Variants in HEMK2 observed in about 807,000 individuals in gnomAD.
HEMK2 encodes the protein methyltransferase HEMK2.
chr21:28,741,243 C>T, the HEMK2 span, among the ~76,000 whole-genome samples: 1 of 152,144 alleles, frequency 6.6e-6, no homozygotes, highest in South Asian at 2.1e-4. Flanking sequence ...TCCTAACCCA[C>T]TCAACCCAAC....
the HEMK2 span, among the ~76,000 whole-genome samples, chr21:28,771,523 C>CCCCCACCT: frequency 1.8e-3 from 192 of 106,246 alleles, 4 homozygotes; most frequent in African/African-American, 6.7e-3. Context: ...GCACCACCCC[C>CCCCCACCT]CCCCGCCAAA....
chr21:28,688,356 C>G, the HEMK2 span, among the ~76,000 whole-genome samples: 1 of 152,132 alleles, frequency 6.6e-6, no homozygotes, highest in Non-Finnish European at 1.5e-5. Flanking sequence ...AGTAATTGAA[C>G]AATTTATAGG....
At chr21:28,738,444 G>A in the HEMK2 span, among the ~76,000 whole-genome samples, 2 of 152,188 alleles carry the variant, frequency 1.3e-5, no homozygotes, top group East Asian at 3.8e-4. Context: ...CAAGATAAAG[G>A]GCAAGGAAGG....
chr21:28,682,213 C>A, the HEMK2 span, among the ~76,000 whole-genome samples: 4 of 151,838 alleles, frequency 2.6e-5, no homozygotes, highest in East Asian at 1.9e-4. Flanking sequence ...AAGAAAAAAA[C>A]AAACAACCCC....
At chr21:28,837,687 C>G in the HEMK2 span, among the ~76,000 whole-genome samples, 4 of 151,912 alleles carry the variant, frequency 2.6e-5, no homozygotes, top group South Asian at 8.3e-4. Context: ...AGGAAATAAC[C>G]AAGATCAGAG....
chr21:28,780,002 T>A, the HEMK2 span, among the ~76,000 whole-genome samples: 2 of 152,126 alleles, frequency 1.3e-5, no homozygotes, highest in African/African-American at 4.8e-5. Context: ...CTGTGTCACT[T>A]TAAACAAAAA....
chr21:28,772,877 G>A, the HEMK2 span, among the ~76,000 whole-genome samples: 4 of 152,054 alleles, frequency 2.6e-5, no homozygotes, highest in Non-Finnish European at 5.9e-5. Flanking sequence ...AGTAATTAAA[G>A]TACCTTCAGT....
the HEMK2 span, among the ~76,000 whole-genome samples, chr21:28,616,804 T>C: frequency 6.6e-6 from 1 of 152,220 alleles, no homozygotes. Flanking sequence ...AGTTTCTCTC[T>C]CTCCAACTCA....
chr21:28,742,009 C>T, the HEMK2 span, among the ~76,000 whole-genome samples: 3 of 152,144 alleles, frequency 2.0e-5, no homozygotes, highest in East Asian at 3.9e-4. Flanking sequence ...ACAGGGAAAG[C>T]AAGCCTGGGT....
At chr21:28,599,901 T>G in the HEMK2 span, among the ~76,000 whole-genome samples, 36 of 152,288 alleles carry the variant, frequency 2.4e-4, no homozygotes, top group East Asian at 6.9e-3. Context: ...ATGTTAAAGC[T>G]CCAAAAGTAT....
At chr21:28,730,197 G>A in the HEMK2 span, among the ~76,000 whole-genome samples, 1 of 108,842 alleles carries the variant, frequency 9.2e-6, no homozygotes, top group South Asian at 2.5e-4. Flanking sequence ...GGGGAGCATA[G>A]TGAGACCCCC....
chr21:28,800,376 G>A, the HEMK2 span, among the ~76,000 whole-genome samples: 5 of 151,970 alleles, frequency 3.3e-5, no homozygotes, highest in Non-Finnish European at 7.4e-5. Flanking sequence ...TTTTAATGCA[G>A]TGGAATTGAG....
the HEMK2 span, among the ~76,000 whole-genome samples, chr21:28,604,510 GT>G: frequency 6.6e-6 from 1 of 152,166 alleles, no homozygotes; most frequent in African/African-American, 2.4e-5. Context: ...TTCCAGGTGA[GT>G]AACAAGTTTG....
At chr21:28,825,266 C>T in the HEMK2 span, among the ~76,000 whole-genome samples, 2 of 152,164 alleles carry the variant, frequency 1.3e-5, no homozygotes, top group African/African-American at 2.4e-5. Flanking sequence ...CTCCAGAGTT[C>T]CTGATTCAGT....
the HEMK2 span, among the ~76,000 whole-genome samples, chr21:28,690,487 C>T: frequency 2.0e-5 from 3 of 152,120 alleles, no homozygotes; most frequent in African/African-American, 7.2e-5. Flanking sequence ...ACCTACAGAA[C>T]CATGAGAAAA....
the HEMK2 span, among the ~76,000 whole-genome samples, chr21:28,838,980 TATATATATATATATATATATAC>T: frequency 1.9e-4 from 8 of 43,222 alleles, no homozygotes; most frequent in African/African-American, 8.2e-4. Context: ...AAAATATATA[TATATATATATATATATATATAC>T]ATATATATAC....
At chr21:28,879,872 C>A in the HEMK2 span, 1 of 1,566,142 alleles carries the variant, frequency 6.4e-7, no homozygotes, top group African/African-American at 1.4e-5. Context: ...TGTTTTACCT[C>A]TTGAGGTGGA....
the HEMK2 span, among the ~76,000 whole-genome samples, chr21:28,598,260 G>C: frequency 1.3e-5 from 2 of 152,202 alleles, no homozygotes; most frequent in Non-Finnish European, 2.9e-5. Flanking sequence ...TGCAGCACTA[G>C]TTTGATCATA....
At chr21:28,885,243 C>T in the HEMK2 span, 2 of 1,589,190 alleles carry the variant, frequency 1.3e-6, no homozygotes, top group Non-Finnish European at 1.7e-6. Context: ...GCCTCCAGCG[C>T]GTCCAAAAGC....
Sources: gnomAD v4.1 joint callset for allele counts (sites outside exome capture counted in the v4.1 genomes callset) on GRCh38, gnomAD v4.1.1 for gene constraint, MANE v1.5 for transcripts, NCBI Gene and HGNC (gene_info 2026-07-23, HGNC 2026-07-21) for gene names.